The following CDH4 variants were observed in gnomAD, a reference collection of about 807,000 sequenced individuals.
CDH4 encodes cadherin-4.
CDH4 carries 33 observed loss-of-function variants against 86.0 expected under a neutral mutation model. The ratio of observed to expected loss-of-function variants is 0.38; its 90% CI spans 0.29 to 0.51. The LOEUF (loss-of-function observed/expected upper bound fraction) is 0.51, where lower values mean the gene tolerates loss of function less well. Among genes scored for constraint, CDH4 ranks in the 20% least tolerant of loss-of-function variants. The pLI is 0.86. For missense variants in CDH4, 1,114 were observed against 1,307.4 expected, an observed-to-expected ratio of 0.85 and a Z score of 2.28; for synonymous variants, 555 against 549.4, an observed-to-expected ratio of 1.01 and a Z score of -0.14.
chr20:61,353,706 C>T (rs1356257773), intron 2 of CDH4, among the ~76,000 whole-genome samples: 12 of 34,164 alleles, frequency 3.5e-4, no homozygotes, highest in African/African-American at 1.4e-3. Flanking sequence ...CCTCCTCCTC[C>T]TCCCCTGCTT....
intron 4 of CDH4, among the ~76,000 whole-genome samples, chr20:61,818,790 C>G (rs1445644093): frequency 1.3e-5 from 2 of 151,606 alleles, no homozygotes; most frequent in Non-Finnish European, 1.5e-5. Context: ...GGATGGTGGG[C>G]GGAAAGGAGC....
intron 2 of CDH4, among the ~76,000 whole-genome samples, chr20:61,734,828 G>T (rs2088240200): frequency 6.6e-6 from 1 of 152,226 alleles, no homozygotes. Flanking sequence ...CGCACACAAA[G>T]CGCGCACAGT....
chr20:61,767,932 C>T (rs1239605674), intron 3 of CDH4, among the ~76,000 whole-genome samples: 2 of 152,216 alleles, frequency 1.3e-5, no homozygotes, highest in Admixed American at 6.5e-5. Flanking sequence ...GGGAAGCTGC[C>T]CCCTCATGCA....
chr20:61,853,512 C>T (rs979199013), intron 6 of CDH4, among the ~76,000 whole-genome samples: 3 of 152,280 alleles, frequency 2.0e-5, no homozygotes, highest in East Asian at 1.9e-4. Context: ...ACTCTGGCAC[C>T]GGTGGTGGCG....
At chr20:61,915,830 G>A (rs930537542) in intron 9 of CDH4, among the ~76,000 whole-genome samples, 32 of 152,164 alleles carry the variant, frequency 2.1e-4, no homozygotes, top group East Asian at 3.8e-4. Flanking sequence ...CCGTGCTTCC[G>A]TACACTTGTT....
At chr20:61,620,170 A>ACGGAAGGG (rs1352143303) in intron 2 of CDH4, among the ~76,000 whole-genome samples, 1 of 54,480 alleles carries the variant, frequency 1.8e-5, no homozygotes, top group African/African-American at 4.7e-5. Context: ...GGATGGATGG[A>ACGGAAGGG]TGGATGGGTG....
chr20:61,914,729 G>T (rs964097161), intron 9 of CDH4, among the ~76,000 whole-genome samples: 18 of 152,268 alleles, frequency 1.2e-4, no homozygotes, highest in Admixed American at 1.0e-3. Context: ...CAGGCGGGCT[G>T]GCACCCACCA....
At chr20:61,765,662 G>C (rs2145976014) in intron 3 of CDH4, among the ~76,000 whole-genome samples, 1 of 152,294 alleles carries the variant, frequency 6.6e-6, no homozygotes, top group South Asian at 2.1e-4. Flanking sequence ...GCCTGTCCTG[G>C]TAGGGACCAG....
At chr20:61,908,205 G>A (rs1188061701) in intron 8 of CDH4, among the ~76,000 whole-genome samples, 1 of 152,192 alleles carries the variant, frequency 6.6e-6, no homozygotes, top group African/African-American at 2.4e-5. Flanking sequence ...CCGTTGGTGT[G>A]GGCTCTGAAT....
chr20:61,314,666 T>G (rs910512407), intron 2 of CDH4, among the ~76,000 whole-genome samples: 1 of 152,184 alleles, frequency 6.6e-6, no homozygotes, highest in African/African-American at 2.4e-5. Flanking sequence ...CGTATGGTAG[T>G]TCTACCTTTA....
At position 61,915,115 on chromosome 20, in the gene CDH4, G is replaced by A. The variant is rs1252535246; in HGVS notation, c.1374+4508G>A. On this transcript the variant is annotated intron_variant, in intron 9 of 15. Coordinates refer to ENST00000614565, the MANE Select transcript of CDH4 (RefSeq NM_001794.5). ...GCTATTCTTGTCCCATTTCACAGATGGCATAACTGGGAGCCCACACACAGG... is the reference window on the plus strand; with the variant it reads ...GCTATTCTTGTCCCATTTCACAGATAGCATAACTGGGAGCCCACACACAGG... 2.0e-5 allele frequency among the ~76,000 whole-genome samples: 3 copies of A among 152,322 alleles called. No individual in the cohort carries two copies. In the East Asian group the frequency reaches 5.8e-4, roughly 29 times the overall value.
rs374897454 is a variant in CDH4 at position 61,910,411 on chromosome 20, C to T, written c.1189-11C>T. ...CACGGGTTTGTGACATTCTTTCCTT[C>T]CATTTTGCAGTTTGCAGGGGAGGTC... On this transcript the variant is annotated splice_polypyrimidine_tract_variant and intron_variant, in intron 8 of 15. Coordinates refer to ENST00000614565, the MANE Select transcript of CDH4 (RefSeq NM_001794.5). The T allele has an allele frequency of 1.9e-6, 3 of 1,609,990 alleles. No homozygotes were observed. The highest frequency in any genetic ancestry group is 2.5e-6 in the Non-Finnish European group (3 of 1,176,688).
chr20:61,933,424 C>T (rs1408731495), intron 14 of CDH4, among the ~76,000 whole-genome samples: 1 of 152,226 alleles, frequency 6.6e-6, no homozygotes, highest in Non-Finnish European at 1.5e-5. Flanking sequence ...GCCAAGCACA[C>T]CGATGCCCAC....
chr20:61,351,048 C>T lies in CDH4; in HGVS notation c.169+96111C>T, dbSNP rs149909572. ...GCTGGGGTGGCAGCTGTGGTGGGGG[C>T]AATGCCTTGGGTGTCACAGCCGCCC... On this transcript the variant is annotated intron_variant, in intron 2 of 15. Transcript: ENST00000614565. Among the ~76,000 whole-genome samples the T allele has an allele frequency of 6.6e-5, 10 of 152,204 alleles. No homozygotes were observed. The East Asian group carries it at 1.5e-3, about 24-fold the overall frequency.
chr20:61,283,491 G>T (rs548278967), intron 2 of CDH4, among the ~76,000 whole-genome samples: 1,770 of 25,130 alleles, frequency 0.07, 395 homozygotes, highest in East Asian at 0.088. Context: ...GTGTGATGTA[G>T]GTGCATTTGC....
intron 2 of CDH4, among the ~76,000 whole-genome samples, chr20:61,682,462 GGGAT>G (rs1276977408): frequency 8.1e-5 from 12 of 147,920 alleles, no homozygotes; most frequent in Admixed American, 2.7e-4. Context: ...GAGGGAGGGA[GGGAT>G]GGATGGATGG....
intron 2 of CDH4, among the ~76,000 whole-genome samples, chr20:61,464,455 C>T (rs2085462054): frequency 1.3e-5 from 2 of 152,128 alleles, no homozygotes; most frequent in African/African-American, 2.4e-5. Flanking sequence ...GTCCAATGCC[C>T]GGCTATAGAC....
intron 2 of CDH4, among the ~76,000 whole-genome samples, chr20:61,507,086 G>A (rs1241173857): frequency 6.6e-6 from 1 of 152,190 alleles, no homozygotes; most frequent in Non-Finnish European, 1.5e-5. Context: ...TCCTAAATGA[G>A]TTTGCAACAT....
intron 11 of CDH4, 37 bp from the exon 12 acceptor site, chr20:61,928,153 G>A: frequency 2.6e-6 from 4 of 1,529,684 alleles, no homozygotes; most frequent in Non-Finnish European, 3.6e-6. Context: ...TGGAGTACCA[G>A]GAGTGGCCCG....
Sources: allele counts gnomAD v4.1 joint callset (sites outside exome capture counted in the v4.1 genomes callset), GRCh38; gene constraint gnomAD v4.1.1; transcripts MANE v1.5; gene names NCBI Gene and HGNC (gene_info 2026-07-23, HGNC 2026-07-21).